The following DHRS7B variants were observed in gnomAD, a reference collection of about 807,000 sequenced individuals.
The protein encoded by DHRS7B is dehydrogenase/reductase 7B, also known as peroxisomal reductase activating PPAR-gamma.
In DHRS7B, 24 loss-of-function variants were observed where a neutral mutation model predicts 26.4. The observed-to-expected ratio is 0.91, with a 90% CI of 0.66 to 1.28. The LOEUF (loss-of-function observed/expected upper bound fraction) is 1.28. Among genes scored for constraint, DHRS7B ranks in the 50% most tolerant of loss-of-function variants. The pLI, the probability that DHRS7B is intolerant of heterozygous loss-of-function variation, is 0.00. For missense variants in DHRS7B, 368 were observed against 419.4 expected (o/e 0.88, Z 1.07); for synonymous variants, 142 against 166.4 (o/e 0.85, Z 1.13).
chr17:21,153,127 A>C (rs1293509184), intron 1 of DHRS7B, among the ~76,000 whole-genome samples: 1 of 152,250 alleles, frequency 6.6e-6, no homozygotes, highest in African/African-American at 2.4e-5. Context: ...ATCATGATTA[A>C]TATGCTAAGG....
At chr17:21,135,694 A>G (rs935468153) in intron 1 of DHRS7B, among the ~76,000 whole-genome samples, 1 of 152,226 alleles carries the variant, frequency 6.6e-6, no homozygotes, top group African/African-American at 2.4e-5. Flanking sequence ...TAAGCCTTTT[A>G]TAACCTTTAT....
chr17:21,132,968 G>T (rs1973271841), intron 1 of DHRS7B, among the ~76,000 whole-genome samples: 1 of 152,034 alleles, frequency 6.6e-6, no homozygotes, highest in African/African-American at 2.4e-5. Context: ...GAGTACGTTG[G>T]TTGAAATCTC....
At chr17:21,148,463 A>G (rs960304234) in intron 1 of DHRS7B, among the ~76,000 whole-genome samples, 1 of 152,156 alleles carries the variant, frequency 6.6e-6, no homozygotes, top group African/African-American at 2.4e-5. Flanking sequence ...TTGAAAATAC[A>G]CGGCCAGGCA....
At chr17:21,150,163 A>T (rs1186410337) in intron 1 of DHRS7B, among the ~76,000 whole-genome samples, 1 of 151,750 alleles carries the variant, frequency 6.6e-6, no homozygotes, top group African/African-American at 2.4e-5. Flanking sequence ...ATGGATAAAA[A>T]GTCCTTGGAA....
At chr17:21,132,348 A>AAAAAAATAT (rs1491147235) in intron 1 of DHRS7B, among the ~76,000 whole-genome samples, 4 of 125,022 alleles carry the variant, frequency 3.2e-5, no homozygotes, top group African/African-American at 1.2e-4. Context: ...AAAAAAAAAA[A>AAAAAAATAT]ATATATATAT....
At chr17:21,167,285 C>T (rs1974135281) in intron 1 of DHRS7B, among the ~76,000 whole-genome samples, 1 of 152,140 alleles carries the variant, frequency 6.6e-6, no homozygotes, top group Non-Finnish European at 1.5e-5. Context: ...CAGAGAGAAG[C>T]CCCGAACTCT....
intron 1 of DHRS7B, 28 bp from the exon 2 acceptor site, chr17:21,171,990 C>G (rs1322231364): frequency 6.2e-7 from 1 of 1,614,096 alleles, no homozygotes; most frequent in East Asian, 2.2e-5. Context: ...TACTTTGTCA[C>G]TGGTGTGTTT....
intron 5 of DHRS7B, among the ~76,000 whole-genome samples, chr17:21,186,769 CG>C (rs1169328662): frequency 6.6e-6 from 1 of 152,154 alleles, no homozygotes; most frequent in Non-Finnish European, 1.5e-5. Flanking sequence ...CACCTTTTAC[CG>C]GGTTGTGAAG....
chr17:21,144,821 A>T (rs541974043), intron 1 of DHRS7B, among the ~76,000 whole-genome samples: 78 of 152,020 alleles, frequency 5.1e-4, no homozygotes, highest in South Asian at 2.1e-3. Context: ...CTATCTCAAA[A>T]AATAATAATA....
In DHRS7B at chr17:21,162,051, C is replaced by A. The variant is rs144788042; in HGVS notation, c.21-9967C>A. Among the ~76,000 whole-genome samples the A allele has an allele frequency of 3.9e-3, 584 of 151,616 alleles. 2 individuals carry two copies. Among genetic ancestry groups the A allele is most frequent in the Non-Finnish European group, 6.2e-3 (424 of 67,954 alleles). On this transcript the variant is annotated intron_variant, in intron 1 of 6. Coordinates refer to ENST00000395511, the MANE Select transcript of DHRS7B (RefSeq NM_015510.5). ...TAACTTGGAATTCAGGGTGAGCCATCATCCTAGATAAATTACAGTAAGGCA... is the reference window on the plus strand; with the variant it reads ...TAACTTGGAATTCAGGGTGAGCCATAATCCTAGATAAATTACAGTAAGGCA...
At chr17:21,164,012 A>G (rs540643322) in intron 1 of DHRS7B, among the ~76,000 whole-genome samples, 2 of 120,762 alleles carry the variant, frequency 1.7e-5, no homozygotes, top group South Asian at 5.4e-4. Context: ...TTGAGTGCAG[A>G]TATTGTCAAT....
chr17:21,166,350 T>C (rs1974112958), intron 1 of DHRS7B: 1 of 985,438 alleles, frequency 1.0e-6, no homozygotes, highest in Non-Finnish European at 1.2e-6. Context: ...CACTCTGCCG[T>C]GGCTTGTTCA....
At chr17:21,171,829 G>C (rs928303412) in intron 1 of DHRS7B, 189 bp from the exon 2 acceptor site, 5 of 741,440 alleles carry the variant, frequency 6.7e-6, no homozygotes, top group Admixed American at 4.0e-5. Context: ...TCAGTACTGA[G>C]AGGAAGAAAG....
chr17:21,189,431 G>C (rs1974727492), intron 6 of DHRS7B, among the ~76,000 whole-genome samples: 1 of 152,246 alleles, frequency 6.6e-6, no homozygotes, highest in Admixed American at 6.5e-5. Context: ...AGGCCAAGCA[G>C]AGACCAGTGT....
At chr17:21,143,505 A>G (rs1973572526) in intron 1 of DHRS7B, among the ~76,000 whole-genome samples, 1 of 152,340 alleles carries the variant, frequency 6.6e-6, no homozygotes, top group Non-Finnish European at 1.5e-5. Context: ...TGAAGTTGGC[A>G]TATATAGTGT....
At chr17:21,173,756 T>G (rs778947993) in intron 2 of DHRS7B, among the ~76,000 whole-genome samples, 1 of 152,176 alleles carries the variant, frequency 6.6e-6, no homozygotes, top group Non-Finnish European at 1.5e-5. Context: ...TCCTCTGACC[T>G]TACTCAGTTA....
intron 1 of DHRS7B, among the ~76,000 whole-genome samples, chr17:21,139,136 A>G (rs1340705024): frequency 6.6e-6 from 1 of 152,240 alleles, no homozygotes; most frequent in Admixed American, 6.5e-5. Flanking sequence ...AACAAAGATG[A>G]TAACAGTCCT....
At chr17:21,177,229 G>A (rs1305263604) in intron 2 of DHRS7B, among the ~76,000 whole-genome samples, 1 of 152,190 alleles carries the variant, frequency 6.6e-6, no homozygotes, top group Non-Finnish European at 1.5e-5. Context: ...GGGCCTGCCC[G>A]CGTGTGAGAG....
intron 1 of DHRS7B, among the ~76,000 whole-genome samples, chr17:21,139,729 A>G (rs1186497786): frequency 2.0e-5 from 3 of 152,130 alleles, no homozygotes; most frequent in African/African-American, 7.2e-5. Context: ...ATGCAAGCAA[A>G]AATGAATGCT....
Sources: allele counts gnomAD v4.1 joint callset (sites outside exome capture counted in the v4.1 genomes callset), GRCh38; gene constraint gnomAD v4.1.1; transcripts MANE v1.5; gene names NCBI Gene and HGNC (gene_info 2026-07-23, HGNC 2026-07-21).